MYO7A: variants seen among roughly 807,000 people sequenced by gnomAD.
MYO7A encodes unconventional myosin-VIIa.
A neutral mutation model predicts 263.8 loss-of-function variants in MYO7A; 210 were observed. That is an observed-to-expected ratio of 0.80 (90% CI 0.71 to 0.89). The LOEUF (loss-of-function observed/expected upper bound fraction) is 0.89. Among genes scored for constraint, MYO7A ranks in the 40% least tolerant of loss-of-function variants. The probability of loss-of-function intolerance (pLI) is 0.00; values close to 1 mark genes in which losing one functional copy is unlikely to be tolerated. For synonymous variants in MYO7A, 1,239 were observed against 1,197.3 expected (o/e 1.03, Z -0.72); for missense variants, 2,820 against 2,968.3 (o/e 0.95, Z 1.16).
In MYO7A at chr11:77,211,863, G is replaced by A; in HGVS notation, c.6280G>A (p.Glu2094Lys). The change falls in exon 46 of 49, where the codon GAG becomes AAG. Residue 2094 changes from glutamate to lysine, a missense_variant. Physicochemically the swap from Glu to Lys is moderately conservative, Grantham distance 56. Transcript: ENST00000409709. ...YFNKHAGKSK[E>K]EAKLAFLKLI... ...CAACAAGCACGCAGGGAAGTCCAAG[G>A]AGGAGGCCAAGCTGGCCTTCCTGAA... The A allele has an allele frequency of 6.2e-7, 1 of 1,614,000 alleles. No homozygotes were observed. Among genetic ancestry groups the A allele is most frequent in the Non-Finnish European group, 8.5e-7 (1 of 1,179,876 alleles).
chr11:77,144,729 C>T (rs1361686389), intron 3 of MYO7A, among the ~76,000 whole-genome samples: 2 of 152,192 alleles, frequency 1.3e-5, no homozygotes, highest in African/African-American at 4.8e-5. Flanking sequence ...ATCAAGGGGT[C>T]TGCCCAGGGA....
At chr11:77,192,299 C>A (rs367963928) in intron 31 of MYO7A, 21 bp downstream of exon 31, 11 of 1,608,472 alleles carry the variant, frequency 6.8e-6, no homozygotes, top group Non-Finnish European at 9.4e-6. Flanking sequence ...GGGAATCTTC[C>A]GCCAGGCTGG....
At chr11:77,197,450 C>T in intron 32 of MYO7A, 31 bp from the exon 33 acceptor site, 1 of 1,501,278 alleles carries the variant, frequency 6.7e-7, no homozygotes, top group Non-Finnish European at 9.1e-7. Flanking sequence ...CGTATGTTGT[C>T]TTCTGTCCCT....
At chr11:77,143,279 A>G (rs572672009) in intron 3 of MYO7A, among the ~76,000 whole-genome samples, 2 of 152,352 alleles carry the variant, frequency 1.3e-5, no homozygotes, top group East Asian at 1.9e-4. Flanking sequence ...TGACCCATAC[A>G]TGAGATCACA....
chr11:77,175,355 C>T lies in MYO7A; in HGVS notation c.2095-17C>T, dbSNP rs1555079391. ...GAGAGGCTGTCCATTCCCTTGTGTT[C>T]CCCATCCTCACTCCAGGGCGACCTC... On this transcript the variant is annotated splice_polypyrimidine_tract_variant and intron_variant, in intron 17 of 48. Coordinates refer to ENST00000409709, the MANE Select transcript of MYO7A (RefSeq NM_000260.4). 1.2e-6 allele frequency: 2 copies of T among 1,611,162 alleles called. No homozygotes were observed. The highest frequency in any genetic ancestry group is 1.1e-5 in the South Asian group (1 of 90,990).
intron 30 of MYO7A, among the ~76,000 whole-genome samples, chr11:77,191,545 C>T (rs548967438): frequency 1.1e-4 from 16 of 152,316 alleles, no homozygotes; most frequent in African/African-American, 3.8e-4. Context: ...AACTCCTCAG[C>T]AAACAGGAGT....
chr11:77,213,951 G>A lies in MYO7A; in HGVS notation c.6530G>A (p.Gly2177Glu). 2 of 1,614,066 alleles carry A rather than the reference G, an allele frequency of 1.2e-6. No homozygotes were observed. The highest frequency in any genetic ancestry group is 1.7e-6 in the Non-Finnish European group (2 of 1,179,902). ...ATCACCATTGGGAACTTGGTGCGCG[G>A]GAGCAAACTGCTCTGCGAGACGTCA... Reference protein sequence around the residue: ...FHITIGNLVRGSKLLCETSLG... With the variant: ...FHITIGNLVRESKLLCETSLG... Residue 2177 changes from glycine to glutamate, a missense_variant, in exon 48 of 49, where the codon GGG (glycine) becomes GAG (glutamate). Transcript: ENST00000409709.
intron 3 of MYO7A, among the ~76,000 whole-genome samples, chr11:77,145,901 T>C (rs1038603434): frequency 6.6e-6 from 1 of 152,180 alleles, no homozygotes; most frequent in Admixed American, 6.5e-5. Flanking sequence ...GGGGGACTTC[T>C]GGGGTCTGTC....
intron 3 of MYO7A, 102 bp from the exon 4 acceptor site, chr11:77,147,696 C>A (rs1210478130): frequency 4.0e-6 from 6 of 1,485,570 alleles, no homozygotes; most frequent in Non-Finnish European, 5.5e-6. Context: ...GGCCCTTACC[C>A]GGGTTGGCAC....
chr11:77,180,173 C>T lies in MYO7A; in HGVS notation c.2587-201C>T, dbSNP rs1213328242. 7.2e-5 allele frequency among the ~76,000 whole-genome samples: 11 copies of T among 152,324 alleles called. No homozygotes were observed. The East Asian group carries it at 2.1e-3, about 29-fold the overall frequency. On this transcript the variant is annotated intron_variant, in intron 21 of 48. Transcript: ENST00000409709. ...TCACTCTTGGGAATCTCTGGGAGACCGACGCAGATCTGGCCGGGCTTTAGG... is the reference window on the plus strand; with the variant it reads ...TCACTCTTGGGAATCTCTGGGAGACTGACGCAGATCTGGCCGGGCTTTAGG...
intron 4 of MYO7A, among the ~76,000 whole-genome samples, chr11:77,151,538 A>G (rs1234908125): frequency 5.9e-5 from 9 of 152,136 alleles, no homozygotes; most frequent in Admixed American, 2.6e-4. Context: ...GTGGCCTCAG[A>G]GAGGCCCCCT....
chr11:77,156,097 C>G lies in MYO7A; in HGVS notation c.470+6C>G. 6.2e-7 allele frequency: 1 copy of G among 1,613,168 alleles called. No homozygotes were observed. Among genetic ancestry groups the G allele is most frequent in the Non-Finnish European group, 8.5e-7 (1 of 1,179,678 alleles). On this transcript the variant is annotated splice_donor_region_variant and intron_variant, in intron 5 of 48. Coordinates refer to ENST00000409709, the MANE Select transcript of MYO7A (RefSeq NM_000260.4). ...GACCAGTGCTGCATCATCAGGTGGG[C>G]GGCCCAGCACCTGTGTGGAGCTCCA...
rs782661097 is a variant in MYO7A at position 77,147,951 on chromosome 11, G to C, written c.285+1G>C. 1.9e-6 allele frequency: 3 copies of C among 1,542,702 alleles called. No individual in the cohort carries two copies. The highest frequency in any genetic ancestry group is 2.6e-6 in the Non-Finnish European group (3 of 1,143,194). On this transcript the variant is annotated splice_donor_variant, in intron 4 of 48. Coordinates refer to ENST00000409709, the MANE Select transcript of MYO7A (RefSeq NM_000260.4). LOFTEE classifies it high-confidence loss of function. ...CCGCTACCGGGACCACCTCATCTACGTGAGTGCCGCCCCGCCCGGTGCCCG... is the reference window on the plus strand; with the variant it reads ...CCGCTACCGGGACCACCTCATCTACCTGAGTGCCGCCCCGCCCGGTGCCCG...
chr11:77,174,396 G>T (rs993936886), intron 16 of MYO7A, among the ~76,000 whole-genome samples: 2 of 152,122 alleles, frequency 1.3e-5, no homozygotes, highest in East Asian at 3.9e-4. Flanking sequence ...AAAGTCCTGC[G>T]CTTTCAGGCT....
chr11:77,208,160 C>T (rs1305884182), intron 42 of MYO7A, among the ~76,000 whole-genome samples: 4 of 152,180 alleles, frequency 2.6e-5, no homozygotes, highest in Non-Finnish European at 4.4e-5. Flanking sequence ...GGGGCTGGGC[C>T]GCATTCTTGG....
chr11:77,190,487 G>A (rs1955977015), intron 29 of MYO7A, among the ~76,000 whole-genome samples: 1 of 152,170 alleles, frequency 6.6e-6, no homozygotes, highest in African/African-American at 2.4e-5. Flanking sequence ...CCCAGGCCCT[G>A]GCTCAGGGGT....
At chr11:77,189,569 A>G in intron 28 of MYO7A, 99 bp downstream of exon 28, 1 of 1,529,780 alleles carries the variant, frequency 6.5e-7, no homozygotes, top group East Asian at 2.3e-5. Flanking sequence ...GGGCCTGGTC[A>G]CAAGGCCCAC....
intron 27 of MYO7A, chr11:77,185,015 T>C: frequency 3.6e-6 from 2 of 561,238 alleles, no homozygotes; most frequent in Admixed American, 5.5e-5. Flanking sequence ...TCCCAGTGCA[T>C]ATAAAAGTCA....
At chr11:77,198,323 CCT>C (rs1956819126) in intron 33 of MYO7A, among the ~76,000 whole-genome samples, 170 bp from the exon 34 acceptor site, 1 of 152,242 alleles carries the variant, frequency 6.6e-6, no homozygotes, top group Non-Finnish European at 1.5e-5. Context: ...ACACTCTCTT[CCT>C]ACTGCACTTT....
Sources: gnomAD v4.1 joint callset for allele counts (sites outside exome capture counted in the v4.1 genomes callset) on GRCh38, gnomAD v4.1.1 for gene constraint, MANE v1.5 for transcripts, NCBI Gene and HGNC (gene_info 2026-07-23, HGNC 2026-07-21) for gene names.